The following ABLIM3 variants were observed in gnomAD, a reference collection of about 807,000 sequenced individuals.
ABLIM3 encodes the protein actin-binding LIM protein 3.
ABLIM3 carries 61 observed loss-of-function variants against 109.5 expected under a neutral mutation model. That is an observed-to-expected ratio of 0.56 (90% confidence interval 0.45 to 0.69). The LOEUF (loss-of-function observed/expected upper bound fraction) is 0.69, where lower values mean the gene tolerates loss of function less well. Ranked by LOEUF, ABLIM3 falls within the 30% of genes least tolerant of loss-of-function variation. The probability of loss-of-function intolerance (pLI) is 0.00; values close to 1 mark genes in which losing one functional copy is unlikely to be tolerated. For synonymous variants in ABLIM3, 300 were observed against 324.8 expected (o/e 0.92, Z 0.82); for missense variants, 796 against 889.5 (o/e 0.89, Z 1.34).
intron 2 of ABLIM3, among the ~76,000 whole-genome samples, chr5:149,156,182 C>G (rs955240291): frequency 1.2e-4 from 18 of 152,234 alleles, no homozygotes; most frequent in African/African-American, 4.3e-4. Flanking sequence ...ACTTTGAAAA[C>G]TAGGTTATTG....
At chr5:149,183,956 G>GT (rs1404970183) in intron 3 of ABLIM3, among the ~76,000 whole-genome samples, 1 of 140,442 alleles carries the variant, frequency 7.1e-6, no homozygotes, top group African/African-American at 2.7e-5. Context: ...TTTTTTGTTT[G>GT]TTTTTTGTTT....
At chr5:149,243,482 G>A (rs893714689) in intron 15 of ABLIM3, 4 of 152,226 alleles carry the variant, frequency 2.6e-5, no homozygotes, top group African/African-American at 9.7e-5. Context: ...GCTTGGAGAT[G>A]AGCGAAGCAG....
chr5:149,213,600 GA>G (rs777550151), intron 7 of ABLIM3, among the ~76,000 whole-genome samples: 3 of 152,154 alleles, frequency 2.0e-5, no homozygotes, highest in African/African-American at 4.8e-5. Flanking sequence ...TTTCTTTCCA[GA>G]AAGAAAGAAC....
chr5:149,209,776 C>T (rs889250925), intron 6 of ABLIM3, among the ~76,000 whole-genome samples: 3 of 152,142 alleles, frequency 2.0e-5, no homozygotes, highest in Admixed American at 6.5e-5. Context: ...AAGTCCTTGC[C>T]TTGTGGGCAC....
intron 2 of ABLIM3, among the ~76,000 whole-genome samples, chr5:149,175,218 C>T (rs1017689414): frequency 1.3e-5 from 2 of 152,072 alleles, no homozygotes; most frequent in Non-Finnish European, 2.9e-5. Flanking sequence ...CAAGTGTAGC[C>T]GGATGGTATT....
intron 2 of ABLIM3, among the ~76,000 whole-genome samples, chr5:149,153,509 C>T (rs1753618280): frequency 6.6e-6 from 1 of 152,182 alleles, no homozygotes; most frequent in South Asian, 2.1e-4. Context: ...GTACGGCCTA[C>T]AGGAAAAAAT....
chr5:149,239,564 T>C (rs999990589), intron 12 of ABLIM3, among the ~76,000 whole-genome samples, 195 bp from the exon 13 acceptor site: 1 of 152,182 alleles, frequency 6.6e-6, no homozygotes, highest in Non-Finnish European at 1.5e-5. Flanking sequence ...CTGCAAGTAA[T>C]GGGGGAAAGC....
Position 149,239,857 on chromosome 5 carries a change from C to G in ABLIM3, c.1173C>G (p.Phe391Leu). Residue 391 changes from phenylalanine to leucine, a missense_variant, in exon 13 of 24, where the codon TTC becomes TTG. Coordinates refer to ENST00000309868, the MANE Select transcript of ABLIM3 (RefSeq NM_014945.5). ...GCCGGCAGGGCATGTCCCCCACCTTCTCCCGCTCACCTCACCACTACTACC... is the reference window on the plus strand; with the variant it reads ...GCCGGCAGGGCATGTCCCCCACCTTGTCCCGCTCACCTCACCACTACTACC... Reference protein sequence around the residue: ...TYSRQGMSPTFSRSPHHYYRS... With the variant: ...TYSRQGMSPTLSRSPHHYYRS... The G allele has an allele frequency of 6.2e-7, 1 of 1,610,550 alleles. No homozygotes were observed. Among genetic ancestry groups the G allele is most frequent in the Non-Finnish European group, 8.5e-7 (1 of 1,178,186 alleles).
chr5:149,215,801 A>G (rs1253027554), intron 7 of ABLIM3, among the ~76,000 whole-genome samples: 2 of 152,152 alleles, frequency 1.3e-5, no homozygotes, highest in African/African-American at 4.8e-5. Context: ...GCCGCCGCTG[A>G]AGTTCCCTTT....
At chr5:149,148,797 G>A (rs889602527) in intron 2 of ABLIM3, among the ~76,000 whole-genome samples, 1 of 152,106 alleles carries the variant, frequency 6.6e-6, no homozygotes, top group African/African-American at 2.4e-5. Context: ...TCCCTCTAAG[G>A]GTTTGCTCCT....
rs1754799574 is a variant in ABLIM3, at chr5:149,260,391, T to C, written c.*1987T>C. On this transcript the variant is annotated 3_prime_UTR_variant, in exon 24 of 24. Coordinates refer to ENST00000309868, the MANE Select transcript of ABLIM3 (RefSeq NM_014945.5). ...CGAGATTGAAGGGCTTTTGTTATTG[T>C]TGTTGGATATTTTTGTTTCCCATAA... 6.6e-6 allele frequency: 1 copy of C among 152,598 alleles called. No homozygotes were observed. 9.5% of individuals were successfully genotyped at this position (152,598 alleles called of 1,614,324 possible).
intron 23 of ABLIM3, 28 bp from the exon 24 acceptor site, chr5:149,258,263 C>T: frequency 6.2e-7 from 1 of 1,604,216 alleles, no homozygotes; most frequent in South Asian, 1.1e-5. Context: ...CTCTGTCCCC[C>T]CACCCCCGCC....
intron 10 of ABLIM3, among the ~76,000 whole-genome samples, chr5:149,235,892 A>G (rs964645909): frequency 2.6e-5 from 4 of 152,194 alleles, no homozygotes; most frequent in Admixed American, 2.6e-4. Flanking sequence ...TTCAGGGACT[A>G]CAGCAACATA....
At chr5:149,232,924 A>G (rs981368578) in intron 9 of ABLIM3, among the ~76,000 whole-genome samples, 4 of 152,244 alleles carry the variant, frequency 2.6e-5, no homozygotes, top group Admixed American at 6.5e-5. Context: ...TAAAAGAAAT[A>G]CATTATTGAC....
In ABLIM3 at chr5:149,244,939, G is replaced by A. The variant is rs1457921148; in HGVS notation, c.1410G>A (p.Lys470=). Residue 470 remains lysine, a synonymous_variant, in exon 16 of 24, where the codon AAG becomes AAA. Transcript: ENST00000309868. ...KTSEDISQTS[K]YSPIYSPDPY... ...GTGAAGACATCAGCCAGACCTCCAA[G>A]TACAGTCCCATCTACTCGCCAGACC... 2 of 1,614,122 alleles carry A rather than the reference G, an allele frequency of 1.2e-6. No individual in the cohort carries two copies. Among genetic ancestry groups the A allele is most frequent in the South Asian group, 2.2e-5 (2 of 91,076 alleles).
chr5:149,153,450 G>C (rs1236816300), intron 2 of ABLIM3, among the ~76,000 whole-genome samples: 1 of 152,190 alleles, frequency 6.6e-6, no homozygotes, highest in Non-Finnish European at 1.5e-5. Flanking sequence ...GGAGGAAGAG[G>C]TTAGGGGAGC....
intron 2 of ABLIM3, among the ~76,000 whole-genome samples, chr5:149,149,253 T>A (rs747949840): frequency 7.9e-5 from 12 of 152,182 alleles, no homozygotes; most frequent in Admixed American, 5.9e-4. Context: ...AATTTTACCA[T>A]GTATAAAATA....
chr5:149,180,975 G>C (rs1034945218), intron 2 of ABLIM3, among the ~76,000 whole-genome samples: 3 of 152,144 alleles, frequency 2.0e-5, no homozygotes, highest in Admixed American at 6.6e-5. Flanking sequence ...TTAGAAGTTG[G>C]CTCTTGAACA....
chr5:149,150,054 T>C (rs1218756819), intron 2 of ABLIM3, among the ~76,000 whole-genome samples: 1 of 152,162 alleles, frequency 6.6e-6, no homozygotes, highest in Non-Finnish European at 1.5e-5. Context: ...AGATCTCCTA[T>C]GGGTACCTCC....
Sources: allele counts gnomAD v4.1 joint callset (sites outside exome capture counted in the v4.1 genomes callset), GRCh38; gene constraint gnomAD v4.1.1; transcripts MANE v1.5; gene names NCBI Gene and HGNC (gene_info 2026-07-23, HGNC 2026-07-21).